ATP2C1: variants seen among roughly 807,000 people sequenced by gnomAD.
ATP2C1 encodes calcium-transporting ATPase type 2C member 1.
A neutral mutation model predicts 120.5 loss-of-function variants in ATP2C1; 31 were observed. That is an observed-to-expected ratio of 0.26 (90% CI 0.19 to 0.35). The LOEUF is 0.35. Among genes scored for constraint, ATP2C1 ranks in the 10% least tolerant of loss-of-function variants. The pLI is 1.00. For missense variants in ATP2C1, 731 were observed against 1,107.5 expected, an observed-to-expected ratio of 0.66 and a Z score of 4.83; for synonymous variants, 351 against 358.7, an observed-to-expected ratio of 0.98 and a Z score of 0.24.
rs1305548419 is a variant in ATP2C1 at position 131,014,262 on chromosome 3, C to T, written c.2630-1890C>T. On this transcript the variant is annotated intron_variant, in intron 26 of 26. Transcript: ENST00000328560. The stretch of plus-strand genomic sequence containing the variant: ...GAATATTTCAGCGGGGGCATATGAC[C>T]TTGTGGCATTGAATAGATATTCATA... The T allele has an allele frequency of 2.5e-6, 4 of 1,613,900 alleles. No individual in the cohort carries two copies. In the East Asian group the frequency reaches 6.7e-5, roughly 27 times the overall value.
chr3:130,951,967 T>C (rs2060388124), intron 8 of ATP2C1, among the ~76,000 whole-genome samples: 1 of 152,022 alleles, frequency 6.6e-6, no homozygotes, highest in Non-Finnish European at 1.5e-5. Flanking sequence ...GCAGTTATGT[T>C]TGCCTAACAC....
intron 25 of ATP2C1, 126 bp downstream of exon 25, chr3:130,997,879 G>T: frequency 1.1e-6 from 1 of 951,250 alleles, no homozygotes; most frequent in Non-Finnish European, 1.6e-6. Context: ...AAAAATATAA[G>T]AACATTTTAA....
intron 2 of ATP2C1, among the ~76,000 whole-genome samples, chr3:130,896,699 A>T (rs1298602406): frequency 6.6e-6 from 1 of 152,226 alleles, no homozygotes; most frequent in African/African-American, 2.4e-5. Context: ...GTCTTGAACC[A>T]CTTAAAGCTG....
intron 1 of ATP2C1, among the ~76,000 whole-genome samples, chr3:130,860,096 C>T (rs945816497): frequency 5.3e-5 from 8 of 152,168 alleles, no homozygotes; most frequent in Admixed American, 6.5e-5. Context: ...TGCCCTAATA[C>T]AGTTAATGTA....
chr3:130,860,243 G>T (rs756734998), intron 1 of ATP2C1, among the ~76,000 whole-genome samples: 5 of 152,162 alleles, frequency 3.3e-5, no homozygotes, highest in Admixed American at 6.5e-5. Context: ...CTTTTGTTCA[G>T]AATGAAAGAT....
chr3:130,875,574 T>C (rs992574728), intron 1 of ATP2C1, among the ~76,000 whole-genome samples: 1 of 152,214 alleles, frequency 6.6e-6, no homozygotes, highest in African/African-American at 2.4e-5. Context: ...TTGTGGATAA[T>C]GCTACAATAA....
chr3:131,002,959 A>C lies in ATP2C1; in HGVS notation c.*1609A>C, dbSNP rs771461939. On this transcript the variant is annotated 3_prime_UTR_variant, in exon 28 of 28. Coordinates refer to ENST00000510168, the MANE Select transcript of ATP2C1 (RefSeq NM_001378687.1). ...CCATTGTCTAATCAACTCTATCATT[A>C]GTGACTTGATGTCTCATACCTTAAT... 362 of 985,682 alleles carry C rather than the reference A, an allele frequency of 3.7e-4. No homozygotes were observed. The highest frequency in any genetic ancestry group is 4.2e-4 in the Non-Finnish European group (346 of 829,870). The allele number at this position is 985,682 out of a possible 1,614,324, so 61.1% of individuals were successfully genotyped here.
chr3:130,865,658 G>C (rs1261635544), intron 1 of ATP2C1, among the ~76,000 whole-genome samples: 1 of 152,146 alleles, frequency 6.6e-6, no homozygotes, highest in African/African-American at 2.4e-5. Context: ...GTCTCACAAG[G>C]TCTGATGGGT....
At position 130,851,624 on chromosome 3, in the gene ATP2C1, C is replaced by G. The variant is rs550027669; in HGVS notation, c.108+696C>G. Among the ~76,000 whole-genome samples the G allele has an allele frequency of 5.3e-5, 8 of 152,242 alleles. No homozygotes were observed. In the South Asian group the frequency reaches 1.7e-3, roughly 32 times the overall value. On this transcript the variant is annotated intron_variant, in intron 1 of 26. Transcript: ENST00000504381. ...ATTTATATCATTCCATTTCTTTGAT[C>G]TCCAAAAAAGACATTTCTAAAAATG...
rs1319668145 is a variant in ATP2C1 at position 130,955,027 on chromosome 3, AC to A, written c.704del (p.Thr235LysfsTer13). 6.2e-7 allele frequency: 1 copy of A among 1,612,712 alleles called. No homozygotes were observed. The highest frequency in any genetic ancestry group is 1.7e-5 in the Admixed American group (1 of 59,976). ...TTCCCCTTAGGGTGTTGTCATTGGA[AC>A]AGGAGAAAATTCTGAATTTGGGGAG... is the stretch of plus-strand genomic sequence containing the variant. The part of the protein sequence containing the change: ...CGKAKGVVIG[T>X]GENSEFGEVF... On this transcript the variant is annotated frameshift_variant, in exon 10 of 28. Transcript: ENST00000510168. LOFTEE classifies it high-confidence loss of function.
At chr3:130,968,938 A>G (rs1408044981) in intron 16 of ATP2C1, among the ~76,000 whole-genome samples, 2 of 152,298 alleles carry the variant, frequency 1.3e-5, no homozygotes, top group Non-Finnish European at 2.9e-5. Context: ...TAAAACTTCT[A>G]TTGATCATAA....
At chr3:130,881,332 T>TTTC (rs991670929) in intron 1 of ATP2C1, among the ~76,000 whole-genome samples, 10 of 150,556 alleles carry the variant, frequency 6.6e-5, no homozygotes, top group African/African-American at 1.7e-4. Context: ...TCCTTTTCTT[T>TTTC]TTCTTCTTCT....
intron 14 of ATP2C1, among the ~76,000 whole-genome samples, chr3:130,966,034 T>C (rs1334310686): frequency 6.6e-6 from 1 of 152,198 alleles, no homozygotes; most frequent in African/African-American, 2.4e-5. Context: ...ACTCAGTCTA[T>C]GCAGGATTTC....
intron 8 of ATP2C1, among the ~76,000 whole-genome samples, chr3:130,944,485 T>A (rs2060049642): frequency 6.6e-6 from 1 of 152,196 alleles, no homozygotes; most frequent in African/African-American, 2.4e-5. Context: ...AGTCCTCACA[T>A]GGCGGAGACA....
intron 1 of ATP2C1, among the ~76,000 whole-genome samples, chr3:130,888,401 T>C (rs2069051150): frequency 6.6e-6 from 1 of 152,160 alleles, no homozygotes; most frequent in South Asian, 2.1e-4. Flanking sequence ...AGAAGTTGCC[T>C]AAGAACTGCA....
intron 2 of ATP2C1, among the ~76,000 whole-genome samples, chr3:130,926,337 G>A (rs1419788282): frequency 6.6e-6 from 1 of 152,152 alleles, no homozygotes; most frequent in Admixed American, 6.5e-5. Flanking sequence ...GTTCAGGCAT[G>A]GAACGAGGCA....
intron 2 of ATP2C1, among the ~76,000 whole-genome samples, chr3:130,914,023 C>T (rs1471394726): frequency 6.6e-6 from 1 of 152,076 alleles, no homozygotes; most frequent in African/African-American, 2.4e-5. Flanking sequence ...AGCACTGGTA[C>T]TTAGCAGCTT....
At chr3:130,936,826 A>AC (rs1210551300) in intron 5 of ATP2C1, among the ~76,000 whole-genome samples, 3 of 150,926 alleles carry the variant, frequency 2.0e-5, no homozygotes, top group East Asian at 1.9e-4. Flanking sequence ...CAAAAAAAAA[A>AC]AAAAAAAAAA....
downstream of ATP2C1, chr3:131,003,237 G>A (rs1447500148): frequency 1.3e-6 from 1 of 797,698 alleles, no homozygotes; most frequent in Non-Finnish European, 1.5e-6. Context: ...ATGGATGCTG[G>A]AGAATGCATA....
Sources: gnomAD v4.1 joint callset for allele counts (sites outside exome capture counted in the v4.1 genomes callset) on GRCh38, gnomAD v4.1.1 for gene constraint, MANE v1.5 for transcripts, NCBI Gene and HGNC (gene_info 2026-07-23, HGNC 2026-07-21) for gene names.